The following OR10H5 variants were observed in gnomAD, a reference collection of about 807,000 sequenced individuals.
OR10H5 encodes olfactory receptor 10H5.
A neutral mutation model predicts 12.2 loss-of-function variants in OR10H5; 7 were observed. The observed-to-expected ratio is 0.57, with a 90% CI of 0.33 to 1.07. The LOEUF (loss-of-function observed/expected upper bound fraction) is 1.07. OR10H5 is among the 50% of genes least tolerant of loss of function. The probability of loss-of-function intolerance (pLI) is 0.04; values close to 1 mark genes in which losing one functional copy is unlikely to be tolerated. For missense variants in OR10H5, 346 were observed against 411.6 expected (o/e 0.84, Z 1.38); for synonymous variants, 159 against 175.1 (o/e 0.91, Z 0.73).
chr19:15,788,585 A>AATT (rs2088794925), intron 1 of OR10H5, among the ~76,000 whole-genome samples: 1 of 152,008 alleles, frequency 6.6e-6, no homozygotes, highest in African/African-American at 2.4e-5. Context: ...TGCAGCCTCG[A>AATT]CCTCCCAGGC....
intron 1 of OR10H5, among the ~76,000 whole-genome samples, chr19:15,793,772 T>C (rs1051438915): frequency 2.0e-5 from 3 of 152,000 alleles, no homozygotes; most frequent in East Asian, 3.9e-4. Flanking sequence ...CCAGCTACTC[T>C]GGAGGCTGAG....
rs939364359 is a variant in OR10H5, at chr19:15,796,467, A to G, written c.*1471A>G. The stretch of plus-strand genomic sequence containing the variant: ...AAAGAGTGTGTCACATTCAAATATT[A>G]AATTGGGCCAGGCACAGTGCCTCAC... On this transcript the variant is annotated 3_prime_UTR_variant, in exon 2 of 2. Transcript: ENST00000642092. 2.0e-5 allele frequency: 3 copies of G among 151,928 alleles called. No individual in the cohort carries two copies. Among genetic ancestry groups the G allele is most frequent in the African/African-American group, 7.3e-5 (3 of 41,324 alleles). 9.4% of individuals were successfully genotyped at this position (151,928 alleles called of 1,614,324 possible). A position where few individuals can be genotyped will look rare whatever the true frequency, so the allele number is the denominator to read the frequency against.
intron 1 of OR10H5, among the ~76,000 whole-genome samples, chr19:15,792,207 C>A (rs1294411120): frequency 6.7e-6 from 1 of 148,840 alleles, no homozygotes; most frequent in African/African-American, 2.4e-5. Context: ...TTTTCATTAT[C>A]ATTTTTTTAT....
rs60535843 is a variant in OR10H5 at position 15,798,751 on chromosome 19, CTTTTTTTTTTT to C, written c.*3768_*3778del. ...CTGTCTGCCAAGCAGCTAGAAGGAG[CTTTTTTTTTTT>C]TTTTTTTTTTTTGAGATGGAATCTA... On this transcript the variant is annotated 3_prime_UTR_variant, in exon 2 of 2. Coordinates refer to ENST00000642092, the MANE Select transcript of OR10H5 (RefSeq NM_001004466.2). The C allele has an allele frequency of 1.4e-5, 1 of 70,944 alleles. No individual in the cohort carries two copies. The highest frequency in any genetic ancestry group is 2.4e-5 in the Non-Finnish European group (1 of 42,038). 4.4% of individuals were successfully genotyped at this position (70,944 alleles called of 1,614,324 possible).
In OR10H5 at chr19:15,796,607, T is replaced by A. The variant is rs1362167058; in HGVS notation, c.*1611T>A. 1 of 151,942 alleles carries A rather than the reference T, an allele frequency of 6.6e-6. No homozygotes were observed. Among genetic ancestry groups the A allele is most frequent in the East Asian group, 1.9e-4 (1 of 5,182 alleles). 9.4% of individuals were successfully genotyped at this position (151,942 alleles called of 1,614,324 possible). On this transcript the variant is annotated 3_prime_UTR_variant, in exon 2 of 2. Transcript: ENST00000642092. ...TTATCTCTACAAAAAAATTAAAAAA[T>A]TAGCTAGACATGGCTGCATGTGCCT... is the stretch of plus-strand genomic sequence containing the variant.
rs529626570 is a variant in OR10H5, at chr19:15,794,501, T to C, written c.453T>C (p.Gly151=). The C allele has an allele frequency of 9.3e-6, 15 of 1,614,218 alleles. No individual in the cohort carries two copies. The South Asian group carries it at 1.4e-4, about 15-fold the overall frequency. The stretch of plus-strand genomic sequence containing the variant: ...GCCGGGTGGGCTGCTCCTGGGCTGG[T>C]GGCTTGGTCATGGGGATGGTGGTGA... ...CTCRVGCSWA[G]GLVMGMVVTS... Residue 151 remains glycine (G), a synonymous_variant, in exon 2 of 2, where the codon GGT becomes GGC. Transcript: ENST00000642092.
intron 1 of OR10H5, among the ~76,000 whole-genome samples, chr19:15,793,115 T>C (rs2088816649): frequency 6.6e-6 from 1 of 152,010 alleles, no homozygotes; most frequent in South Asian, 2.1e-4. Context: ...CACAGTTTGT[T>C]TTTGTTTTTG....
Position 15,798,140 on chromosome 19 carries a change from C to T in OR10H5, c.*3144C>T, listed in dbSNP as rs2088850397. 2.0e-5 allele frequency: 3 copies of T among 151,108 alleles called. No homozygotes were observed. The Admixed American group carries it at 2.0e-4, about 10-fold the overall frequency. The allele number at this position is 151,108 out of a possible 1,614,324, so 9.4% of individuals were successfully genotyped here. A position where few individuals can be genotyped will look rare whatever the true frequency, so the allele number is the denominator to read the frequency against. ...TACATTGGGTGCTCAAAGTGACTGC[C>T]TTATCTCCCCACAAAGGAAAAACAA... On this transcript the variant is annotated 3_prime_UTR_variant, in exon 2 of 2. Coordinates refer to ENST00000642092, the MANE Select transcript of OR10H5 (RefSeq NM_001004466.2).
Position 15,798,979 on chromosome 19 carries a change from A to G in OR10H5, c.*3983A>G, listed in dbSNP as rs961564564. The G allele has an allele frequency of 6.6e-6, 1 of 151,628 alleles. No individual in the cohort carries two copies. Among genetic ancestry groups the G allele is most frequent in the African/African-American group, 2.4e-5 (1 of 41,246 alleles). 9.4% of individuals were successfully genotyped at this position (151,628 alleles called of 1,614,324 possible). A position where few individuals can be genotyped will look rare whatever the true frequency, so the allele number is the denominator to read the frequency against. On this transcript the variant is annotated 3_prime_UTR_variant, in exon 2 of 2. Coordinates refer to ENST00000642092, the MANE Select transcript of OR10H5 (RefSeq NM_001004466.2). ...GCCATGTTAGCCAGACTGGTCTCGG[A>G]CTCCTGATTTCAGGTGATACTACCA...
Position 15,795,103 on chromosome 19 carries a change from C to CTTCCTTCT in OR10H5, c.*115_*122dup. 2.1e-6 allele frequency: 2 copies of CTTCCTTCT among 965,038 alleles called. No homozygotes were observed. The highest frequency in any genetic ancestry group is 3.4e-5 in the South Asian group (2 of 59,352). The allele number at this position is 965,038 out of a possible 1,614,324, so 59.8% of individuals were successfully genotyped here. A position where few individuals can be genotyped will look rare whatever the true frequency, so the allele number is the denominator to read the frequency against. ...CCTCCTTTCCTCCCTCCCTCCCTTC[C>CTTCCTTCT]TTCCTTCTTTCCTTCCTCCCTCCCT... On this transcript the variant is annotated 3_prime_UTR_variant, in exon 2 of 2. Coordinates refer to ENST00000642092, the MANE Select transcript of OR10H5 (RefSeq NM_001004466.2).
At chr19:15,793,295 T>C (rs1324083963) in intron 1 of OR10H5, among the ~76,000 whole-genome samples, 1 of 152,094 alleles carries the variant, frequency 6.6e-6, no homozygotes, top group Non-Finnish European at 1.5e-5. Flanking sequence ...CATTTTCTTA[T>C]ACTTCGTAGA....
rs1244508204 is a variant in OR10H5 at position 15,799,305 on chromosome 19, A to G, written c.*4309A>G. 1.3e-5 allele frequency: 2 copies of G among 151,948 alleles called. No individual in the cohort carries two copies. Among genetic ancestry groups the G allele is most frequent in the South Asian group, 2.1e-4 (1 of 4,818 alleles). The allele number at this position is 151,948 out of a possible 1,614,324, so 9.4% of individuals were successfully genotyped here. A position where few individuals can be genotyped will look rare whatever the true frequency, so the allele number is the denominator to read the frequency against. The stretch of plus-strand genomic sequence containing the variant: ...TTTTTTTTTCTTCAGAGATTGGGGC[A>G]TGAAATCTTCCATTCCTCTTTGCAT... On this transcript the variant is annotated 3_prime_UTR_variant, in exon 2 of 2. Transcript: ENST00000642092.
At position 15,794,806 on chromosome 19, in the gene OR10H5, A is replaced by G. The variant is rs989794428; in HGVS notation, c.758A>G (p.Tyr253Cys). The G allele has an allele frequency of 6.2e-7, 1 of 1,613,956 alleles. No individual in the cohort carries two copies. The highest frequency in any genetic ancestry group is 1.3e-5 in the African/African-American group (1 of 74,892). Reference protein sequence around the residue: ...ASHLTVVVVHYGFASVIYLKP... With the variant: ...ASHLTVVVVHCGFASVIYLKP... ...CACCTCACTGTGGTGGTCGTGCACT[A>G]TGGCTTTGCCTCCGTCATTTACCTG... Residue 253 changes from tyrosine (Y) to cysteine (C), a missense_variant, in exon 2 of 2, where the codon TAT becomes TGT. Tyr to Cys is a radical substitution (Grantham distance 194). Coordinates refer to ENST00000642092, the MANE Select transcript of OR10H5 (RefSeq NM_001004466.2).
chr19:15,795,223 C>A lies in OR10H5; in HGVS notation c.*227C>A. On this transcript the variant is annotated 3_prime_UTR_variant, in exon 2 of 2. Transcript: ENST00000642092. ...CTTCCTCCCTCCCTCCCTCCCCCTT[C>A]CTTCTTCTCTGCCTACTTCCCTCTT... The A allele has an allele frequency of 1.8e-6, 1 of 547,166 alleles. No homozygotes were observed. The highest frequency in any genetic ancestry group is 3.2e-6 in the Non-Finnish European group (1 of 311,910). 33.9% of individuals were successfully genotyped at this position (547,166 alleles called of 1,614,324 possible). A position where few individuals can be genotyped will look rare whatever the true frequency, so the allele number is the denominator to read the frequency against.
intron 1 of OR10H5, among the ~76,000 whole-genome samples, chr19:15,789,859 G>A (rs557763470): frequency 1.4e-5 from 2 of 146,832 alleles, no homozygotes; most frequent in East Asian, 4.0e-4. Flanking sequence ...ATGGCTCACT[G>A]CAGCCTCGAA....
rs1167551339 is a variant in OR10H5 at position 15,794,564 on chromosome 19, G to A, written c.516G>A (p.Lys172=). The A allele has an allele frequency of 6.2e-7, 1 of 1,614,238 alleles. No individual in the cohort carries two copies. The highest frequency in any genetic ancestry group is 2.2e-5 in the East Asian group (1 of 44,878). Residue 172 remains lysine, a synonymous_variant, in exon 2 of 2, where the codon AAG becomes AAA. Transcript: ENST00000642092. ...AIFHLAFCGH[K]EIHHFFCHVP... is the part of the protein sequence containing the mutation. ...TCCACCTCGCCTTCTGTGGACACAA[G>A]GAGATCCACCATTTCTTCTGCCACG...
In OR10H5 at chr19:15,795,571, C is replaced by T. The variant is rs893843878; in HGVS notation, c.*575C>T. On this transcript the variant is annotated 3_prime_UTR_variant, in exon 2 of 2. Transcript: ENST00000642092. ...GAACTCCTGACCTCAGGCATTATGC[C>T]CACCTCAGCCTCCCAAAGTGCTGGG... 1.9e-5 allele frequency: 3 copies of T among 154,346 alleles called. No individual in the cohort carries two copies. Among genetic ancestry groups the T allele is most frequent in the Non-Finnish European group, 4.3e-5 (3 of 69,706 alleles). 9.6% of individuals were successfully genotyped at this position (154,346 alleles called of 1,614,324 possible).
chr19:15,788,044 G>C lies in OR10H5; in HGVS notation c.-12+328G>C, dbSNP rs890230370. Among the ~76,000 whole-genome samples the C allele has an allele frequency of 3.9e-5, 6 of 152,256 alleles. No homozygotes were observed. In the East Asian group the frequency reaches 7.7e-4, roughly 20 times the overall value. On this transcript the variant is annotated intron_variant, in intron 1 of 1. Transcript: ENST00000642092. ...GTGGTCTCTATACTAAGTTGTGGAG[G>C]AGGGTGGTTCTGAGCCAAGCGGGTG... is the stretch of plus-strand genomic sequence containing the variant.
intron 1 of OR10H5, among the ~76,000 whole-genome samples, chr19:15,792,763 G>A (rs2088815002): frequency 6.6e-6 from 1 of 152,126 alleles, no homozygotes; most frequent in Non-Finnish European, 1.5e-5. Flanking sequence ...ACTGTGCCCG[G>A]CCCTTAACCT....
Sources: gnomAD v4.1 joint callset for allele counts (sites outside exome capture counted in the v4.1 genomes callset) on GRCh38, gnomAD v4.1.1 for gene constraint, MANE v1.5 for transcripts, NCBI Gene and HGNC (gene_info 2026-07-23, HGNC 2026-07-21) for gene names.